Variants in ZBTB40 observed in about 807,000 individuals in gnomAD.
The protein encoded by ZBTB40 is zinc finger and BTB domain-containing protein 40.
ZBTB40 carries 60 observed loss-of-function variants against 117.5 expected under a neutral mutation model. That is an observed-to-expected ratio of 0.51 (90% CI 0.41 to 0.63). ZBTB40 has a LOEUF of 0.63. Ranked by LOEUF, ZBTB40 falls within the 30% of genes least tolerant of loss-of-function variation. The pLI is 0.00. For missense variants in ZBTB40, 1,287 were observed against 1,498.5 expected (o/e 0.86, Z 2.33); for synonymous variants, 525 against 577.1 (o/e 0.91, Z 1.29).
chr1:22,497,059 G>A lies in ZBTB40; in HGVS notation c.832-4433G>A, dbSNP rs920029786. 2.6e-5 allele frequency among the ~76,000 whole-genome samples: 4 copies of A among 152,222 alleles called. 1 individual carries two copies. Among genetic ancestry groups the A allele is most frequent in the African/African-American group, 9.6e-5 (4 of 41,452 alleles). On this transcript the variant is annotated intron_variant, in intron 3 of 17. Transcript: ENST00000375647. ...CTTGGAGCCTGATGTTCGAGGGCAG[G>A]AAGCATCCAGCATGGGAGAAAGATG...
At chr1:22,508,816 C>T (rs934462058) in intron 8 of ZBTB40, 85 bp downstream of exon 8, 23 of 1,377,908 alleles carry the variant, frequency 1.7e-5, no homozygotes, top group Non-Finnish European at 2.2e-5. Flanking sequence ...GCTCTCTTAA[C>T]GGTAGTCACC....
chr1:22,458,138 C>T (rs955879222), intron 1 of ZBTB40, among the ~76,000 whole-genome samples: 4 of 152,222 alleles, frequency 2.6e-5, no homozygotes, highest in African/African-American at 9.6e-5. Context: ...GCTATAATCT[C>T]TTGTCCTGGA....
intron 5 of ZBTB40, among the ~76,000 whole-genome samples, chr1:22,503,534 T>C (rs1639000795): frequency 6.6e-6 from 1 of 152,188 alleles, no homozygotes; most frequent in Admixed American, 6.6e-5. Flanking sequence ...ATATAATGGC[T>C]AAGCCCTGAA....
At chr1:22,472,129 GC>G (rs1027694072) in intron 1 of ZBTB40, among the ~76,000 whole-genome samples, 67 of 152,196 alleles carry the variant, frequency 4.4e-4, no homozygotes, top group African/African-American at 1.5e-3. Flanking sequence ...CTTGTGGTAG[GC>G]CATTTGAGGC....
chr1:22,463,312 A>G (rs1641173477), intron 1 of ZBTB40, among the ~76,000 whole-genome samples: 1 of 152,170 alleles, frequency 6.6e-6, no homozygotes. Flanking sequence ...TAATTTTTAC[A>G]TTAGATGGGT....
intron 1 of ZBTB40, among the ~76,000 whole-genome samples, chr1:22,445,269 C>T (rs1413028313): frequency 6.6e-6 from 1 of 152,120 alleles, no homozygotes; most frequent in Non-Finnish European, 1.5e-5. Context: ...CAGGGACAAA[C>T]CCAACTCTAA....
intron 3 of ZBTB40, among the ~76,000 whole-genome samples, chr1:22,492,533 TG>T (rs1461171847): frequency 6.6e-6 from 1 of 152,238 alleles, no homozygotes; most frequent in Non-Finnish European, 1.5e-5. Context: ...CCGGCAGGCT[TG>T]CTCCTCTGAT....
chr1:22,432,731 TAAACAA>T (rs1357361721), intron 1 of ZBTB40, among the ~76,000 whole-genome samples: 4 of 152,218 alleles, frequency 2.6e-5, no homozygotes, highest in Non-Finnish European at 5.9e-5. Flanking sequence ...CCAATGTTTT[TAAACAA>T]ATACAAATGT....
chr1:22,500,459 C>T (rs1276892838), intron 3 of ZBTB40, among the ~76,000 whole-genome samples: 2 of 152,036 alleles, frequency 1.3e-5, no homozygotes, highest in African/African-American at 4.8e-5. Flanking sequence ...CAAAAGGGAG[C>T]ATATAAAAGG....
At chr1:22,447,771 C>A (rs957981193), upstream of ZBTB40, among the ~76,000 whole-genome samples, 1 of 152,166 alleles carries the variant, frequency 6.6e-6, no homozygotes, top group African/African-American at 2.4e-5. Flanking sequence ...AGGCAGTTGA[C>A]CCTTCTGAGT....
intron 1 of ZBTB40, among the ~76,000 whole-genome samples, chr1:22,454,925 A>G (rs1476496477): frequency 1.3e-5 from 2 of 152,268 alleles, no homozygotes; most frequent in Admixed American, 1.3e-4. Flanking sequence ...ACAAAAATCC[A>G]GAAATACATT....
At chr1:22,493,731 G>A (rs1488919090) in intron 3 of ZBTB40, among the ~76,000 whole-genome samples, 1 of 150,838 alleles carries the variant, frequency 6.6e-6, no homozygotes, top group Non-Finnish European at 1.5e-5. Context: ...TATAAATGGA[G>A]TCATATGGTG....
intron 9 of ZBTB40, among the ~76,000 whole-genome samples, chr1:22,509,761 C>A (rs1281206086): frequency 2.6e-5 from 4 of 152,222 alleles, no homozygotes; most frequent in African/African-American, 9.6e-5. Context: ...GACAAGGGTT[C>A]TCAGGCCCCA....
intron 1 of ZBTB40, among the ~76,000 whole-genome samples, chr1:22,441,672 A>T (rs1173699010): frequency 6.6e-6 from 1 of 151,706 alleles, no homozygotes; most frequent in Non-Finnish European, 1.5e-5. Context: ...TGGTAGAGAC[A>T]GGGTTTCACC....
At chr1:22,525,076 G>C (rs1639640257) in intron 17 of ZBTB40, among the ~76,000 whole-genome samples, 1 of 152,160 alleles carries the variant, frequency 6.6e-6, no homozygotes, top group Non-Finnish European at 1.5e-5. Context: ...CTGTTAGACT[G>C]TCCCGCTGTC....
chr1:22,473,954 C>T (rs750979152), intron 1 of ZBTB40, among the ~76,000 whole-genome samples: 1 of 152,050 alleles, frequency 6.6e-6, no homozygotes, highest in Non-Finnish European at 1.5e-5. Flanking sequence ...ATCTGTAAAA[C>T]GAGGATAAGT....
intron 13 of ZBTB40, among the ~76,000 whole-genome samples, chr1:22,517,844 T>C (rs1203266833): frequency 6.6e-6 from 1 of 152,162 alleles, no homozygotes. Flanking sequence ...GTCCAGACAC[T>C]TTCTGAGTTA....
rs1641601787 is a variant in ZBTB40 at position 22,478,390 on chromosome 1, G to A, written c.-69-11490G>A. On this transcript the variant is annotated intron_variant, in intron 1 of 17. Coordinates refer to ENST00000375647, the MANE Select transcript of ZBTB40 (RefSeq NM_014870.4). ...AGCCTCCTGAGTAGCTGGGACTACA[G>A]GCGCCTGCTACCACGTCCGGCTAAT... 2.0e-5 allele frequency among the ~76,000 whole-genome samples: 3 copies of A among 152,150 alleles called. No homozygotes were observed. The South Asian group carries it at 6.2e-4, about 32-fold the overall frequency.
chr1:22,481,428 A>G (rs1638310533), intron 1 of ZBTB40, among the ~76,000 whole-genome samples: 1 of 152,164 alleles, frequency 6.6e-6, no homozygotes, highest in South Asian at 2.1e-4. Context: ...TTTAGTATCT[A>G]TATATTGGTA....
Sources: gnomAD v4.1 joint callset for allele counts (sites outside exome capture counted in the v4.1 genomes callset) on GRCh38, gnomAD v4.1.1 for gene constraint, MANE v1.5 for transcripts, NCBI Gene and HGNC (gene_info 2026-07-23, HGNC 2026-07-21) for gene names.